Variants in MYO9A observed in about 807,000 individuals in gnomAD.
MYO9A encodes unconventional myosin-IXa.
A neutral mutation model predicts 293.3 loss-of-function variants in MYO9A; 103 were observed. That is an observed-to-expected ratio of 0.35 (90% CI 0.30 to 0.41). The LOEUF (loss-of-function observed/expected upper bound fraction) is 0.41. MYO9A is among the 10% of genes least tolerant of loss of function. The pLI, the probability that MYO9A is intolerant of heterozygous loss-of-function variation, is 1.00. For synonymous variants in MYO9A, 1,001 were observed against 1,035.7 expected (o/e 0.97, Z 0.64); for missense variants, 2,685 against 3,033.0 (o/e 0.89, Z 2.69).
chr15:71,935,950 T>C (rs1033662096), intron 16 of MYO9A, among the ~76,000 whole-genome samples: 6 of 148,908 alleles, frequency 4.0e-5, no homozygotes, highest in African/African-American at 1.5e-4. Context: ...CACACACCCA[T>C]TAAACTAAGT....
Position 71,898,555 on chromosome 15 carries a change from C to T in MYO9A, c.3948G>A (p.Gln1316=), listed in dbSNP as rs2143184561. 1 of 1,614,106 alleles carries T rather than the reference C, an allele frequency of 6.2e-7. No individual in the cohort carries two copies. The highest frequency in any genetic ancestry group is 8.5e-7 in the Non-Finnish European group (1 of 1,180,018). ...CACTATCAGGTGTACCCCGTGGAGA[C>T]TGAAGGCCTTCAGGCACCAATTCTG... ...WSTELVPEGL[Q]SPRGTPDSES... Residue 1316 remains glutamine (Q), a synonymous_variant, in exon 25 of 42, where the codon CAG becomes CAA. Coordinates refer to ENST00000356056, the MANE Select transcript of MYO9A (RefSeq NM_006901.4).
At chr15:71,941,002 A>G (rs2146124828) in intron 15 of MYO9A, among the ~76,000 whole-genome samples, 1 of 152,286 alleles carries the variant, frequency 6.6e-6, no homozygotes, top group South Asian at 2.1e-4. Context: ...AGATTAGGCA[A>G]TGGTTACCAT....
intron 40 of MYO9A, among the ~76,000 whole-genome samples, chr15:71,828,659 G>A (rs958787602): frequency 6.6e-6 from 1 of 152,158 alleles, no homozygotes; most frequent in Admixed American, 6.5e-5. Flanking sequence ...CATTCTGTGA[G>A]GTCTTTGGTA....
At chr15:71,882,021 G>GGGTCTAACT in intron 28 of MYO9A, among the ~76,000 whole-genome samples, 1 of 152,160 alleles carries the variant, frequency 6.6e-6, no homozygotes, top group East Asian at 1.9e-4. Flanking sequence ...ACAAAAACAG[G>GGGTCTAACT]GGTCTAACTA....
intron 6 of MYO9A, among the ~76,000 whole-genome samples, chr15:72,016,734 CA>C (rs1008155178): frequency 2.0e-5 from 3 of 152,002 alleles, no homozygotes; most frequent in Admixed American, 2.0e-4. Flanking sequence ...TTTTAAGACA[CA>C]ATAAACGGAT....
chr15:72,058,749 G>A (rs534779254), intron 1 of MYO9A, among the ~76,000 whole-genome samples: 1 of 152,310 alleles, frequency 6.6e-6, no homozygotes, highest in Middle Eastern at 3.4e-3. Context: ...GTGTGGTTCA[G>A]AATAGGCCAG....
intron 19 of MYO9A, among the ~76,000 whole-genome samples, chr15:71,906,931 T>G (rs1173104766): frequency 1.3e-5 from 2 of 148,692 alleles, no homozygotes; most frequent in Non-Finnish European, 3.0e-5. Context: ...CCCGGCTAAT[T>G]TTTTTTTTCT....
Position 71,826,807 on chromosome 15 carries a change from G to GTCCT in MYO9A, c.7416_7419dup (p.Pro2474ArgfsTer72). The stretch of plus-strand genomic sequence containing the variant: ...TCCAGGAATTTGGTCTGGCCCAATG[G>GTCCT]TCCTTCCATTCCCAGGGCCTCATTA... On this transcript the variant is annotated frameshift_variant, in exon 42 of 42. Coordinates refer to ENST00000356056, the MANE Select transcript of MYO9A (RefSeq NM_006901.4). LOFTEE classifies it high-confidence loss of function. 1 of 1,614,120 alleles carries GTCCT rather than the reference G, an allele frequency of 6.2e-7. No individual in the cohort carries two copies. The highest frequency in any genetic ancestry group is 1.7e-5 in the Admixed American group (1 of 60,018).
intron 10 of MYO9A, 41 bp from the exon 11 acceptor site, chr15:71,991,278 A>C (rs1178470924): frequency 2.0e-6 from 3 of 1,465,480 alleles, no homozygotes; most frequent in South Asian, 2.6e-5. Flanking sequence ...GTAATGTTTA[A>C]ATTTATTTAA....
intron 1 of MYO9A, among the ~76,000 whole-genome samples, chr15:72,047,921 C>T (rs1440481079): frequency 6.6e-6 from 1 of 151,416 alleles, no homozygotes; most frequent in Non-Finnish European, 1.5e-5. Context: ...CAGGTGTGCG[C>T]CACCTTGCCT....
intron 27 of MYO9A, among the ~76,000 whole-genome samples, chr15:71,887,630 T>C (rs1445173744): frequency 6.6e-6 from 1 of 152,162 alleles, no homozygotes; most frequent in East Asian, 1.9e-4. Flanking sequence ...TTGTTCATTG[T>C]TGAAGACAAT....
In MYO9A at chr15:71,935,447, T is replaced by C. The variant is rs773157250; in HGVS notation, c.2416A>G (p.Ile806Val). 8.7e-6 allele frequency: 14 copies of C among 1,613,464 alleles called. No individual in the cohort carries two copies. In the East Asian group the frequency reaches 2.5e-4, roughly 28 times the overall value. ...FDIAWNGRTG[I>V]RQSRLSSGTS... is the part of the protein sequence containing the mutation. ...CCACTTGATAGTCTGCTCTGGCGAATCCCAGTTCTGCCATTCCAGGCAATA... is the reference window on the plus strand; with the variant it reads ...CCACTTGATAGTCTGCTCTGGCGAACCCCAGTTCTGCCATTCCAGGCAATA... The change falls in exon 17 of 42, where the codon ATT becomes GTT. Residue 806 changes from isoleucine to valine, a missense_variant. Transcript: ENST00000356056.
In MYO9A at chr15:71,906,761, T is replaced by TC. The variant is rs915669108; in HGVS notation, c.2686-1756_2686-1755insG. Among the ~76,000 whole-genome samples, 190 of 103,596 alleles carry TC rather than the reference T, an allele frequency of 1.8e-3. 1 individual carries two copies. Among genetic ancestry groups the TC allele is most frequent in the South Asian group, 0.014 (37 of 2,690 alleles). The allele number at this position is 103,596 out of a possible 152,430, so 68.0% of individuals were successfully genotyped here. The stretch of plus-strand genomic sequence containing the variant: ...ATCAGATAATATCCATTTCTTTCTT[T>TC]TTTTTTTTTTTTTTTTTCCTGAGAC... On this transcript the variant is annotated intron_variant, in intron 19 of 41. Coordinates refer to ENST00000356056, the MANE Select transcript of MYO9A (RefSeq NM_006901.4).
At chr15:71,903,596 T>C (rs941973820) in intron 21 of MYO9A, among the ~76,000 whole-genome samples, 24 of 152,200 alleles carry the variant, frequency 1.6e-4, no homozygotes, top group Non-Finnish European at 3.1e-4. Flanking sequence ...CCAAATAGAA[T>C]CTTTTCACTA....
chr15:72,113,126 T>C (rs550879791), intron 1 of MYO9A, among the ~76,000 whole-genome samples: 1 of 152,332 alleles, frequency 6.6e-6, no homozygotes, highest in Non-Finnish European at 1.5e-5. Context: ...AAAGCACTGA[T>C]ATCATCCCTC....
chr15:72,060,822 C>T (rs2078857653), intron 1 of MYO9A, among the ~76,000 whole-genome samples: 1 of 152,126 alleles, frequency 6.6e-6, no homozygotes. Flanking sequence ...AATCAGTGGA[C>T]TTGAGGTGCA....
chr15:71,862,534 C>T lies in MYO9A; in HGVS notation c.6057G>A (p.Leu2019=). The T allele has an allele frequency of 1.2e-6, 2 of 1,612,354 alleles. No homozygotes were observed. Among genetic ancestry groups the T allele is most frequent in the Non-Finnish European group, 1.7e-6 (2 of 1,178,628 alleles). ...CAGAGGCTCGGTCCATTATCCATATCAAAGAAGAACAGTATTCACAGTATG... is the reference window on the plus strand; with the variant it reads ...CAGAGGCTCGGTCCATTATCCATATTAAAGAAGAACAGTATTCACAGTATG... ...IPTYCEYCSS[L]IWIMDRASVC... is the part of the protein sequence containing the mutation. The change falls in exon 33 of 42, where the codon TTG becomes TTA. Residue 2019 remains leucine (L), a synonymous_variant. Transcript: ENST00000356056.
intron 1 of MYO9A, among the ~76,000 whole-genome samples, chr15:72,106,815 A>G (rs1343343266): frequency 3.3e-5 from 5 of 152,124 alleles, no homozygotes; most frequent in Non-Finnish European, 7.4e-5. Flanking sequence ...AAATAAGTAG[A>G]CCTAACTGCA....
chr15:71,863,931 C>T lies in MYO9A; in HGVS notation c.5980-1320G>A, dbSNP rs2056236042. The stretch of plus-strand genomic sequence containing the variant: ...TTAAAAGTTAAGTAAAATACCATAA[C>T]CAATGAACCCTTCCTGTCCTATGAC... On this transcript the variant is annotated intron_variant, in intron 32 of 41. Transcript: ENST00000356056. 2.0e-5 allele frequency among the ~76,000 whole-genome samples: 3 copies of T among 152,144 alleles called. No homozygotes were observed. In the South Asian group the frequency reaches 6.2e-4, roughly 31 times the overall value.
Sources: allele counts gnomAD v4.1 joint callset (sites outside exome capture counted in the v4.1 genomes callset), GRCh38; gene constraint gnomAD v4.1.1; transcripts MANE v1.5; gene names NCBI Gene and HGNC (gene_info 2026-07-23, HGNC 2026-07-21).